Variants in SPATA22 observed in about 807,000 individuals in gnomAD.
SPATA22 encodes the protein spermatogenesis-associated protein 22.
A neutral mutation model predicts 47.8 loss-of-function variants in SPATA22; 29 were observed. The observed-to-expected ratio is 0.61, with a 90% confidence interval of 0.45 to 0.83. The LOEUF is 0.83. SPATA22 is among the 40% of genes least tolerant of loss of function. The pLI, the probability that SPATA22 is intolerant of heterozygous loss-of-function variation, is 0.00. For missense variants in SPATA22, 410 were observed against 421.7 expected (o/e 0.97, Z 0.24); for synonymous variants, 133 against 140.9 (o/e 0.94, Z 0.40).
At chr17:3,502,105 C>T (rs957073369) in intron 1 of SPATA22, 1 of 152,232 alleles carries the variant, frequency 6.6e-6, no homozygotes, top group Non-Finnish European at 1.5e-5. Flanking sequence ...GCCATCCCAA[C>T]CCTCAGTGCC....
chr17:3,463,590 T>A (rs7220801), intron 3 of SPATA22, among the ~76,000 whole-genome samples: 35,457 of 151,848 alleles, frequency 0.23, 4,374 homozygotes, highest in East Asian at 0.42. Context: ...GGTGAGTGAA[T>A]ACGAAGGCCT....
intron 5 of SPATA22, among the ~76,000 whole-genome samples, chr17:3,459,601 T>A (rs2150718537): frequency 6.6e-6 from 1 of 151,880 alleles, no homozygotes; most frequent in East Asian, 1.9e-4. Context: ...AGAGACGGGG[T>A]TTCCCCATGT....
At chr17:3,447,188 TG>T (rs2072746704) in intron 6 of SPATA22, among the ~76,000 whole-genome samples, 1 of 151,856 alleles carries the variant, frequency 6.6e-6, no homozygotes, top group Admixed American at 6.6e-5. Flanking sequence ...GAGAGAGAGA[TG>T]GGGGTTATTA....
chr17:3,460,959 C>T (rs1358332499), intron 5 of SPATA22, among the ~76,000 whole-genome samples: 1 of 152,148 alleles, frequency 6.6e-6, no homozygotes. Context: ...ACTAATCTTA[C>T]TAATTGTCCA....
exon 1 of SPATA22, chr17:3,513,792 G>T: frequency 1.3e-6 from 1 of 767,444 alleles, no homozygotes; most frequent in Admixed American, 2.3e-5. Flanking sequence ...GAGCACGAGG[G>T]TGCACTCTGC....
At chr17:3,450,033 T>C (rs1051913576) in intron 5 of SPATA22, among the ~76,000 whole-genome samples, 2 of 152,140 alleles carry the variant, frequency 1.3e-5, no homozygotes, top group Admixed American at 6.5e-5. Context: ...TTGTTATTTT[T>C]TGTAGAGACA....
In SPATA22 at chr17:3,469,314, G is replaced by T; in HGVS notation, c.12C>A (p.Ser4Arg). Residue 4 changes from serine to arginine, a missense_variant, in exon 2 of 9, where the codon AGC becomes AGA. Coordinates refer to ENST00000572969, the MANE Select transcript of SPATA22 (RefSeq NM_001170698.2). MKR[S>R]LNENSARSTA... ...TACTTCGAGCTGAATTTTCATTTAG[G>T]CTTCGCTTCATTTCCTTCAATATCA... 6.4e-7 allele frequency: 1 copy of T among 1,568,858 alleles called. No individual in the cohort carries two copies. The highest frequency in any genetic ancestry group is 1.2e-5 in the South Asian group (1 of 85,742).
At chr17:3,513,836 TCAAAG>T in exon 1 of SPATA22, 2 of 1,259,418 alleles carry the variant, frequency 1.6e-6, no homozygotes, top group Non-Finnish European at 2.3e-6. Context: ...CCACCATCCC[TCAAAG>T]CCTCTCTGCA....
chr17:3,462,243 T>C (rs1045103415), intron 5 of SPATA22, among the ~76,000 whole-genome samples: 1 of 152,240 alleles, frequency 6.6e-6, no homozygotes, highest in African/African-American at 2.4e-5. Context: ...TTCATTGTCA[T>C]ATTAAGAATC....
At chr17:3,463,941 C>CCACGG (rs374196468) in intron 3 of SPATA22, among the ~76,000 whole-genome samples, 2 of 81,602 alleles carry the variant, frequency 2.5e-5, no homozygotes, top group African/African-American at 8.9e-5. Context: ...CTCCCTCTCC[C>CCACGG]TCTCCCTCTG....
chr17:3,502,534 AGAG>A (rs1472051289), intron 1 of SPATA22: 1 of 152,220 alleles, frequency 6.6e-6, no homozygotes, highest in Admixed American at 6.5e-5. Context: ...TGCGAAATCC[AGAG>A]GAGACTTTTA....
chr17:3,455,863 T>C (rs562957420), intron 5 of SPATA22, among the ~76,000 whole-genome samples: 2 of 152,218 alleles, frequency 1.3e-5, no homozygotes, highest in South Asian at 2.1e-4. Context: ...GGGGATGGCA[T>C]TGAATCTAAA....
At chr17:3,474,834 AAC>A (rs964017197), upstream of SPATA22, among the ~76,000 whole-genome samples, 1 of 152,226 alleles carries the variant, frequency 6.6e-6, no homozygotes, top group African/African-American at 2.4e-5. Flanking sequence ...GACCAAAAAT[AAC>A]AGAGAGGCAC....
chr17:3,476,236 C>A (rs1480068143), upstream of SPATA22: 2 of 1,614,146 alleles, frequency 1.2e-6, no homozygotes, highest in African/African-American at 1.3e-5. Flanking sequence ...AATGAGCTAA[C>A]CGGAGTATTT....
intron 5 of SPATA22, among the ~76,000 whole-genome samples, chr17:3,459,161 C>G (rs1017224913): frequency 1.3e-5 from 2 of 152,060 alleles, no homozygotes; most frequent in Non-Finnish European, 2.9e-5. Flanking sequence ...AGGGTACAAA[C>G]TTTCAGTTAC....
chr17:3,476,102 G>A (rs576892994), upstream of SPATA22: 97 of 1,511,916 alleles, frequency 6.4e-5, no homozygotes, highest in Admixed American at 7.0e-4. Context: ...TAAGAAAATC[G>A]AATTTCCTTT....
chr17:3,456,498 G>A (rs2073001033), intron 5 of SPATA22, among the ~76,000 whole-genome samples: 1 of 151,050 alleles, frequency 6.6e-6, no homozygotes, highest in South Asian at 2.1e-4. Context: ...ACTAAACCAG[G>A]AAGAAGTTGA....
upstream of SPATA22, among the ~76,000 whole-genome samples, chr17:3,473,528 C>T (rs932741109): frequency 3.3e-5 from 5 of 152,150 alleles, no homozygotes; most frequent in Non-Finnish European, 7.3e-5. Flanking sequence ...GACGGAGTTT[C>T]GCTCTTGTTC....
chr17:3,451,533 T>G (rs536215999), intron 5 of SPATA22, among the ~76,000 whole-genome samples: 1 of 152,178 alleles, frequency 6.6e-6, no homozygotes, highest in East Asian at 1.9e-4. Context: ...GATGGAACTT[T>G]CTGAAGGATA....
Sources: allele counts gnomAD v4.1 joint callset (sites outside exome capture counted in the v4.1 genomes callset), GRCh38; gene constraint gnomAD v4.1.1; transcripts MANE v1.5; gene names NCBI Gene and HGNC (gene_info 2026-07-23, HGNC 2026-07-21).